Variants in DYRK4 observed in about 807,000 individuals in gnomAD.
DYRK4 encodes the protein dual specificity tyrosine phosphorylation regulated kinase 4.
DYRK4 carries 64 observed loss-of-function variants against 68.3 expected under a neutral mutation model. The observed-to-expected ratio is 0.94, with a 90% confidence interval of 0.77 to 1.15. The LOEUF is 1.15. DYRK4 is among the 50% of genes most tolerant of loss of function. The probability of loss-of-function intolerance (pLI) is 0.00; values close to 1 mark genes in which losing one functional copy is unlikely to be tolerated. For missense variants in DYRK4, 740 were observed against 764.7 expected, an observed-to-expected ratio of 0.97 and a Z score of 0.38; for synonymous variants, 274 against 289.9, an observed-to-expected ratio of 0.95 and a Z score of 0.56.
chr12:4,603,468 T>G (rs1224121989), intron 10 of DYRK4: 2 of 302,504 alleles, frequency 6.6e-6, no homozygotes, highest in Non-Finnish European at 1.3e-5. Flanking sequence ...CGTCCTTCCC[T>G]TCTCTCCCTC....
chr12:4,608,993 A>C (rs1485800914), intron 12 of DYRK4, among the ~76,000 whole-genome samples: 1 of 152,236 alleles, frequency 6.6e-6, no homozygotes, highest in Non-Finnish European at 1.5e-5. Context: ...TGGATTAGGC[A>C]GAGTCACTGT....
intron 1 of DYRK4, among the ~76,000 whole-genome samples, chr12:4,564,866 C>A (rs767054993): frequency 2.6e-5 from 4 of 152,126 alleles, no homozygotes; most frequent in Admixed American, 6.5e-5. Context: ...AAAAGACTAA[C>A]AATCAATATG....
intron 9 of DYRK4, 101 bp downstream of exon 9, chr12:4,599,267 TGAC>T (rs150406161): frequency 2.0e-6 from 2 of 1,015,368 alleles, no homozygotes; most frequent in Non-Finnish European, 2.7e-6. Flanking sequence ...TAATTGCCTT[TGAC>T]TTTTTTTTTT....
intron 2 of DYRK4, among the ~76,000 whole-genome samples, chr12:4,587,988 C>T (rs1371547520): frequency 6.6e-6 from 1 of 152,224 alleles, no homozygotes; most frequent in Non-Finnish European, 1.5e-5. Context: ...TGCTAAACTT[C>T]AGTCATTTGA....
chr12:4,574,174 G>A (rs1181517141), intron 2 of DYRK4, among the ~76,000 whole-genome samples: 2 of 148,814 alleles, frequency 1.3e-5, no homozygotes, highest in South Asian at 2.1e-4. Flanking sequence ...GCAGTGCGCC[G>A]AGATCGCGCC....
rs1334232786 is a variant in DYRK4, at chr12:4,586,575, C to A, written c.133-2362C>A. Among the ~76,000 whole-genome samples the A allele has an allele frequency of 2.6e-5, 4 of 152,256 alleles. No homozygotes were observed. The East Asian group carries it at 7.7e-4, about 29-fold the overall frequency. On this transcript the variant is annotated intron_variant, in intron 2 of 14. Transcript: ENST00000543431. ...GGGGAAGCTGCTGAAAGACAGCCAACAATCAGCAAGTTCATAAACTTGTGT... is the reference window on the plus strand; with the variant it reads ...GGGGAAGCTGCTGAAAGACAGCCAAAAATCAGCAAGTTCATAAACTTGTGT...
chr12:4,567,740 T>G (rs78676671), intron 1 of DYRK4, among the ~76,000 whole-genome samples: 2,458 of 152,290 alleles, frequency 0.016, 70 homozygotes, highest in African/African-American at 0.055. Flanking sequence ...AATCACCTGA[T>G]TATCTCTTCC....
At chr12:4,599,655 G>C in intron 9 of DYRK4, 52 bp from the exon 10 acceptor site, 1 of 1,412,094 alleles carries the variant, frequency 7.1e-7, no homozygotes, top group Non-Finnish European at 9.9e-7. Context: ...GGTAAGTAGA[G>C]GGCCTAGGGC....
intron 9 of DYRK4, 120 bp downstream of exon 9, chr12:4,599,286 T>C (rs1365383575): frequency 4.5e-6 from 5 of 1,114,320 alleles, no homozygotes; most frequent in East Asian, 5.1e-5. Context: ...TTTTTTTTTT[T>C]TTTTTTGGTG....
intron 2 of DYRK4, chr12:4,573,426 A>C: frequency 7.8e-7 from 1 of 1,280,634 alleles, no homozygotes; most frequent in South Asian, 1.2e-5. Context: ...AGGAGAACAA[A>C]GATTTGAAAT....
At chr12:4,565,551 G>A (rs774025347) in intron 1 of DYRK4, among the ~76,000 whole-genome samples, 2 of 152,086 alleles carry the variant, frequency 1.3e-5, no homozygotes, top group African/African-American at 2.4e-5. Context: ...TTCAGTGTTT[G>A]CTCCTTCTCT....
intron 5 of DYRK4, among the ~76,000 whole-genome samples, chr12:4,592,224 T>A (rs1488900990): frequency 3.3e-5 from 5 of 152,224 alleles, no homozygotes; most frequent in African/African-American, 1.2e-4. Context: ...GGCTCTGTCC[T>A]CTGGGCAAAG....
chr12:4,597,103 CA>C, intron 8 of DYRK4: 4 of 1,081,994 alleles, frequency 3.7e-6, no homozygotes, highest in Non-Finnish European at 4.5e-6. Context: ...GGCTGAAACC[CA>C]AAGGAACAGG....
intron 2 of DYRK4, among the ~76,000 whole-genome samples, chr12:4,572,342 C>T (rs990163806): frequency 2.6e-5 from 4 of 152,058 alleles, no homozygotes; most frequent in Non-Finnish European, 5.9e-5. Flanking sequence ...AGTGCAGTGG[C>T]GCGATCTTGG....
Position 4,612,537 on chromosome 12 carries a change from G to A in DYRK4, c.1491-6G>A, listed in dbSNP as rs772654236. ...ATAACCCATGTGGGGCTTTGTTGGG[G>A]TGCAGATGGGAACCTTCTCTTCGCA... On this transcript the variant is annotated splice_polypyrimidine_tract_variant and splice_region_variant and intron_variant, in intron 13 of 14. Transcript: ENST00000543431. 6.2e-7 allele frequency: 1 copy of A among 1,613,070 alleles called. No homozygotes were observed. The highest frequency in any genetic ancestry group is 8.5e-7 in the Non-Finnish European group (1 of 1,179,236).
intron 2 of DYRK4, among the ~76,000 whole-genome samples, chr12:4,583,978 G>C (rs1272022561): frequency 6.6e-6 from 1 of 152,204 alleles, no homozygotes; most frequent in East Asian, 1.9e-4. Context: ...GACTGGTCTT[G>C]AAGTTCCAGG....
At chr12:4,562,439 G>A (rs914771766) in intron 1 of DYRK4, among the ~76,000 whole-genome samples, 156 bp downstream of exon 1, 7 of 152,244 alleles carry the variant, frequency 4.6e-5, no homozygotes, top group Admixed American at 2.0e-4. Context: ...GGCGGGCTGT[G>A]GTGCGCGGAC....
intron 8 of DYRK4, 75 bp from the exon 9 acceptor site, chr12:4,598,953 G>A: frequency 1.9e-6 from 3 of 1,548,500 alleles, no homozygotes; most frequent in Non-Finnish European, 2.7e-6. Context: ...GGTGATACAA[G>A]ATTGTTTGCA....
intron 10 of DYRK4, chr12:4,602,141 A>G (rs555921587): frequency 8.1e-6 from 5 of 620,252 alleles, no homozygotes; most frequent in Non-Finnish European, 1.5e-5. Flanking sequence ...TTTGTAATTA[A>G]GTTCAGCTTT....
Sources: allele counts gnomAD v4.1 joint callset (sites outside exome capture counted in the v4.1 genomes callset), GRCh38; gene constraint gnomAD v4.1.1; transcripts MANE v1.5; gene names NCBI Gene and HGNC (gene_info 2026-07-23, HGNC 2026-07-21).